UBASH3B: variants seen among roughly 807,000 people sequenced by gnomAD.
UBASH3B encodes the protein ubiquitin associated and SH3 domain containing B, also known as ubiquitin-associated and SH3 domain-containing protein B.
In UBASH3B, 37 loss-of-function variants were observed where a neutral mutation model predicts 83.4. The ratio of observed to expected loss-of-function variants is 0.44; its 90% CI spans 0.34 to 0.58. The LOEUF (loss-of-function observed/expected upper bound fraction) is 0.58, where lower values mean the gene tolerates loss of function less well. UBASH3B is among the 20% of genes least tolerant of loss of function. UBASH3B has a pLI of 0.01. For missense variants in UBASH3B, 657 were observed against 827.2 expected, an observed-to-expected ratio of 0.79 and a Z score of 2.52; for synonymous variants, 304 against 318.3, an observed-to-expected ratio of 0.96 and a Z score of 0.48.
At chr11:122,789,942 T>C (rs541603729) in intron 6 of UBASH3B, among the ~76,000 whole-genome samples, 1 of 152,204 alleles carries the variant, frequency 6.6e-6, no homozygotes, top group Admixed American at 6.5e-5. Flanking sequence ...CCCCATTCCA[T>C]ACTGGTACCA....
At chr11:122,780,259 C>G (rs901394700) in intron 4 of UBASH3B, among the ~76,000 whole-genome samples, 6 of 152,232 alleles carry the variant, frequency 3.9e-5, no homozygotes, top group Admixed American at 3.9e-4. Flanking sequence ...AATGTAACCC[C>G]TTCCAAATGT....
intron 1 of UBASH3B, among the ~76,000 whole-genome samples, chr11:122,768,879 T>C (rs1860596966): frequency 6.6e-6 from 1 of 152,144 alleles, no homozygotes; most frequent in Non-Finnish European, 1.5e-5. Context: ...AGTACACTGA[T>C]TTATGGACTT....
intron 1 of UBASH3B, among the ~76,000 whole-genome samples, chr11:122,669,798 G>A (rs1863568487): frequency 6.6e-6 from 1 of 152,172 alleles, no homozygotes. Flanking sequence ...TTACAGATAA[G>A]AAAACTGAAG....
chr11:122,689,018 T>C (rs900049190), intron 1 of UBASH3B, among the ~76,000 whole-genome samples: 2 of 150,626 alleles, frequency 1.3e-5, no homozygotes, highest in African/African-American at 4.9e-5. Flanking sequence ...CAGGCTGGTC[T>C]CGAACTCCTG....
At chr11:122,741,019 T>C (rs1261112254) in intron 1 of UBASH3B, among the ~76,000 whole-genome samples, 1 of 152,204 alleles carries the variant, frequency 6.6e-6, no homozygotes, top group Non-Finnish European at 1.5e-5. Context: ...AAGCGCATAT[T>C]AACATATAAA....
chr11:122,669,113 A>G (rs1156516110), intron 1 of UBASH3B, among the ~76,000 whole-genome samples: 2 of 152,226 alleles, frequency 1.3e-5, no homozygotes, highest in Non-Finnish European at 2.9e-5. Context: ...GTAGCTTCCT[A>G]TGGCTGCTCT....
intron 1 of UBASH3B, among the ~76,000 whole-genome samples, chr11:122,767,105 G>A (rs1030288485): frequency 4.6e-5 from 7 of 151,794 alleles, no homozygotes; most frequent in African/African-American, 1.2e-4. Context: ...TGGTGAAACC[G>A]CGTCTCTACT....
intron 1 of UBASH3B, among the ~76,000 whole-genome samples, chr11:122,659,837 C>T (rs1349753480): frequency 6.6e-6 from 1 of 152,136 alleles, no homozygotes; most frequent in Non-Finnish European, 1.5e-5. Flanking sequence ...GGGCTGACAG[C>T]TCTAGTTTCC....
chr11:122,750,189 G>A (rs1332631281), intron 1 of UBASH3B, among the ~76,000 whole-genome samples: 1 of 152,190 alleles, frequency 6.6e-6, no homozygotes, highest in East Asian at 1.9e-4. Context: ...TCCTCAGGCC[G>A]ATGCTGCCTG....
chr11:122,658,913 C>T (rs1863397604), intron 1 of UBASH3B, among the ~76,000 whole-genome samples: 1 of 152,144 alleles, frequency 6.6e-6, no homozygotes, highest in Non-Finnish European at 1.5e-5. Flanking sequence ...AAATCAGTAT[C>T]GCTGGGCTGA....
intron 1 of UBASH3B, 118 bp downstream of exon 1, chr11:122,656,328 G>C (rs1328076122): frequency 1.8e-6 from 2 of 1,086,700 alleles, no homozygotes. Context: ...CCCGCTGCCC[G>C]AGACCTGTTG....
At chr11:122,721,738 T>C (rs1355095792) in intron 1 of UBASH3B, among the ~76,000 whole-genome samples, 1 of 152,240 alleles carries the variant, frequency 6.6e-6, no homozygotes, top group African/African-American at 2.4e-5. Flanking sequence ...TTTACCCTAG[T>C]GAGGTTGCTC....
chr11:122,801,361 G>C, intron 11 of UBASH3B, 29 bp downstream of exon 11: 1 of 1,610,398 alleles, frequency 6.2e-7, no homozygotes, highest in East Asian at 2.2e-5. Flanking sequence ...TGCTTACTGA[G>C]GCCAGTGTGG....
At chr11:122,795,893 G>A (rs1316799381) in intron 7 of UBASH3B, among the ~76,000 whole-genome samples, 3 of 152,166 alleles carry the variant, frequency 2.0e-5, no homozygotes, top group Non-Finnish European at 4.4e-5. Context: ...CCACTTTAAT[G>A]GCCAAATGCT....
chr11:122,723,957 T>C (rs980745690), intron 1 of UBASH3B, among the ~76,000 whole-genome samples: 1 of 152,322 alleles, frequency 6.6e-6, no homozygotes, highest in Non-Finnish European at 1.5e-5. Context: ...TTCTGTGTCA[T>C]TGGGAGCTCC....
chr11:122,693,123 G>T (rs1012796280), intron 1 of UBASH3B, among the ~76,000 whole-genome samples: 1 of 152,128 alleles, frequency 6.6e-6, no homozygotes, highest in Admixed American at 6.5e-5. Flanking sequence ...GAATGACAAA[G>T]AACCTTCTCA....
chr11:122,676,321 C>T (rs915407898), intron 1 of UBASH3B, among the ~76,000 whole-genome samples: 4 of 152,078 alleles, frequency 2.6e-5, no homozygotes, highest in African/African-American at 9.7e-5. Flanking sequence ...AGGTGGTTTA[C>T]CTGACGTCAG....
Position 122,801,333 on chromosome 11 carries a change from G to A in UBASH3B, c.1595+1G>A. On this transcript the variant is annotated splice_donor_variant, in intron 11 of 13. Coordinates refer to ENST00000284273, the MANE Select transcript of UBASH3B (RefSeq NM_032873.5). LOFTEE classifies it high-confidence loss of function. ...ACCTGAGTGTTGATACAACCTACAG[G>A]TAAGCCTCGGAAACTGCTGCTTACT... is the stretch of plus-strand genomic sequence containing the variant. 1 of 1,613,644 alleles carries A rather than the reference G, an allele frequency of 6.2e-7. No homozygotes were observed. Among genetic ancestry groups the A allele is most frequent in the Non-Finnish European group, 8.5e-7 (1 of 1,179,986 alleles).
chr11:122,751,379 CCTT>C (rs1409978987), intron 1 of UBASH3B, among the ~76,000 whole-genome samples: 1 of 152,184 alleles, frequency 6.6e-6, no homozygotes, highest in African/African-American at 2.4e-5. Context: ...GTGTCACACT[CCTT>C]CTCTGCCCTC....
Sources: gnomAD v4.1 joint callset for allele counts (sites outside exome capture counted in the v4.1 genomes callset) on GRCh38, gnomAD v4.1.1 for gene constraint, MANE v1.5 for transcripts, NCBI Gene and HGNC (gene_info 2026-07-23, HGNC 2026-07-21) for gene names.